ADNP: variants seen among roughly 807,000 people sequenced by gnomAD.
ADNP encodes the protein activity dependent neuroprotector homeobox, also known as activity-dependent neuroprotector homeobox protein.
Under a neutral mutation model 84.9 loss-of-function variants are expected in ADNP, and 4 were observed. That is an observed-to-expected ratio of 0.05 (90% CI 0.02 to 0.11). The LOEUF is 0.11. Among genes scored for constraint, ADNP ranks in the 10% least tolerant of loss-of-function variants. The pLI, the probability that ADNP is intolerant of heterozygous loss-of-function variation, is 1.00. For synonymous variants in ADNP, 554 were observed against 468.1 expected (o/e 1.18, Z -2.37); for missense variants, 1,132 against 1,326.0 (o/e 0.85, Z 2.27).
Position 50,891,387 on chromosome 20 carries a change from C to T in ADNP, c.*18G>A, listed in dbSNP as rs142825371. 14,508 of 1,571,412 alleles carry T rather than the reference C, an allele frequency of 9.2e-3. 115 individuals carry two copies. The highest frequency in any genetic ancestry group is 9.2e-3 in the Non-Finnish European group (10,693 of 1,162,910). ...GTTCCAGGCTGCAGCATGTCACCAA[C>T]GCCAGGGAACCTGGCACTTAGGCCT... On this transcript the variant is annotated 3_prime_UTR_variant, in exon 6 of 6. Coordinates refer to ENST00000621696, the MANE Select transcript of ADNP (RefSeq NM_001282531.3).
At position 50,891,196 on chromosome 20, in the gene ADNP, AGTTACC is replaced by A; in HGVS notation, c.*203_*208del. ...ACCAGCTTATTGGTTTTTCACATTT[AGTTACC>A]GTGTCTGTCAGAGAAGGTTCTGAAG... is the stretch of plus-strand genomic sequence containing the variant. On this transcript the variant is annotated 3_prime_UTR_variant, in exon 6 of 6. Transcript: ENST00000621696. 7.6e-7 allele frequency: 1 copy of A among 1,314,178 alleles called. No individual in the cohort carries two copies. The highest frequency in any genetic ancestry group is 9.6e-7 in the Non-Finnish European group (1 of 1,036,640). The allele number at this position is 1,314,178 out of a possible 1,614,324, so 81.4% of individuals were successfully genotyped here.
intron 2 of ADNP, among the ~76,000 whole-genome samples, chr20:50,907,468 T>C (rs1982598722): frequency 1.3e-5 from 2 of 151,768 alleles, no homozygotes; most frequent in African/African-American, 4.8e-5. Context: ...GGCTTCACCA[T>C]GTTGGCCAGG....
Position 50,890,933 on chromosome 20 carries a change from TAAA to T in ADNP, c.*469_*471del. Reference sequence around the variant, plus strand: ...ATCATGAGCATCACTTGAATAGGTCTAAAAGACTGTACAAATATACATTTCAAC... The same window carrying T: ...ATCATGAGCATCACTTGAATAGGTCTAGACTGTACAAATATACATTTCAAC... On this transcript the variant is annotated 3_prime_UTR_variant, in exon 6 of 6. Transcript: ENST00000621696. The T allele has an allele frequency of 1.0e-6, 1 of 987,306 alleles. No homozygotes were observed. Among genetic ancestry groups the T allele is most frequent in the Non-Finnish European group, 1.2e-6 (1 of 831,372 alleles). The allele number at this position is 987,306 out of a possible 1,614,324, so 61.2% of individuals were successfully genotyped here. A position where few individuals can be genotyped will look rare whatever the true frequency, so the allele number is the denominator to read the frequency against.
chr20:50,892,278 G>A lies in ADNP; in HGVS notation c.2436C>T (p.Val812=), dbSNP rs888502245. The A allele has an allele frequency of 6.2e-7, 1 of 1,614,096 alleles. No homozygotes were observed. Among genetic ancestry groups the A allele is most frequent in the Non-Finnish European group, 8.5e-7 (1 of 1,180,024 alleles). Residue 812 remains valine (V), a synonymous_variant, in exon 6 of 6, where the codon GTC becomes GTT. Coordinates refer to ENST00000621696, the MANE Select transcript of ADNP (RefSeq NM_001282531.3). Reference sequence around the variant, plus strand: ...CAGGCTTGTACTTTTCACAATCACGGACACACTTCTTCCTTTTGTTACTAA... The same window carrying A: ...CAGGCTTGTACTTTTCACAATCACGAACACACTTCTTCCTTTTGTTACTAA... The part of the protein sequence containing the change: ...SHFSNKRKKC[V]RDCEKYKPGV...
At chr20:50,904,881 A>C (rs1388347238) in intron 2 of ADNP, 32 bp from the exon 3 acceptor site, 2 of 152,090 alleles carry the variant, frequency 1.3e-5, no homozygotes, top group African/African-American at 4.8e-5. Context: ...AAAAACAAAA[A>C]CAAAAAAACC....
At position 50,891,792 on chromosome 20, in the gene ADNP, A is replaced by T. The variant is rs141643081; in HGVS notation, c.2922T>A (p.Ser974Arg). 5.6e-5 allele frequency: 90 copies of T among 1,614,022 alleles called. No individual in the cohort carries two copies. Among genetic ancestry groups the T allele is most frequent in the Admixed American group, 8.3e-5 (5 of 60,008 alleles). Residue 974 changes from serine to arginine, a missense_variant, in exon 6 of 6, where the codon AGT (serine) becomes AGA (arginine). Ser to Arg is a moderately radical substitution (Grantham distance 110). Around this residue, in one of 10 missense-constraint regions of ADNP, gnomAD observed 381 missense variants for 319.9 expected, o/e 1.19. Transcript: ENST00000621696. ...EWKDGASPSE[S>R]GPGSQQVSDF... ...CTGACACTTGTTGGGATCCAGGCCC[A>T]CTCTCAGATGGAGAAGCACCGTCTT...
chr20:50,902,246 T>C, intron 4 of ADNP, 137 bp from the exon 5 acceptor site: 1 of 614,140 alleles, frequency 1.6e-6, no homozygotes, highest in Non-Finnish European at 2.8e-6. Context: ...AAACTAGGAG[T>C]GATAAGGCTC....
chr20:50,919,291 GTATA>G (rs199569280), intron 2 of ADNP, among the ~76,000 whole-genome samples: 7 of 77,184 alleles, frequency 9.1e-5, no homozygotes, highest in Non-Finnish European at 1.4e-4. Flanking sequence ...ATATTTAAGT[GTATA>G]TATATATATA....
chr20:50,900,021 A>C (rs1352971241), intron 5 of ADNP, among the ~76,000 whole-genome samples: 1 of 152,126 alleles, frequency 6.6e-6, no homozygotes, highest in Non-Finnish European at 1.5e-5. Flanking sequence ...TAAGAATTTT[A>C]AAGTTTTACT....
Position 50,892,749 on chromosome 20 carries a change from T to G in ADNP, c.1965A>C (p.Pro655=). The G allele has an allele frequency of 6.2e-7, 1 of 1,614,254 alleles. No homozygotes were observed. Among genetic ancestry groups the G allele is most frequent in the Non-Finnish European group, 8.5e-7 (1 of 1,180,040 alleles). ...ATTTGTAGGTGAGCTTTTTCTCAACTGGATGAACCGTCTGAATAACTTGGT... is the reference window on the plus strand; with the variant it reads ...ATTTGTAGGTGAGCTTTTTCTCAACGGGATGAACCGTCTGAATAACTTGGT... ...ERHQVIQTVH[P]VEKKLTYKCI... Residue 655 remains proline, a synonymous_variant, in exon 6 of 6, where the codon CCA becomes CCC. Transcript: ENST00000621696.
At chr20:50,921,096 G>A (rs1158854405) in intron 2 of ADNP, among the ~76,000 whole-genome samples, 3 of 152,200 alleles carry the variant, frequency 2.0e-5, no homozygotes, top group African/African-American at 7.2e-5. Context: ...GATTAAATGA[G>A]ATGATGCAAG....
At chr20:50,913,544 C>A (rs1983256809) in intron 2 of ADNP, among the ~76,000 whole-genome samples, 1 of 152,056 alleles carries the variant, frequency 6.6e-6, no homozygotes, top group South Asian at 2.1e-4. Context: ...GTTATGCTGG[C>A]AATTTTCTAA....
At chr20:50,901,762 G>GGAT (rs1422331698) in intron 5 of ADNP, among the ~76,000 whole-genome samples, 3 of 152,152 alleles carry the variant, frequency 2.0e-5, no homozygotes, top group Non-Finnish European at 4.4e-5. Flanking sequence ...GGAAATGGTG[G>GGAT]GATACAGCAG....
intron 2 of ADNP, among the ~76,000 whole-genome samples, chr20:50,925,488 T>G (rs568270126): frequency 6.6e-6 from 1 of 151,978 alleles, no homozygotes; most frequent in African/African-American, 2.4e-5. Flanking sequence ...AACATAATCA[T>G]CCTCTCCTCA....
chr20:50,904,004 A>G lies in ADNP; in HGVS notation c.-5-3T>C, dbSNP rs1363935684. Reference sequence around the variant, plus strand: ...GACAGGAAGTTGGAACATAGTTTCTATTGGAAAAAAAAATTTAAGTCAAAG... The same window carrying G: ...GACAGGAAGTTGGAACATAGTTTCTGTTGGAAAAAAAAATTTAAGTCAAAG... On this transcript the variant is annotated splice_region_variant and splice_polypyrimidine_tract_variant and intron_variant, in intron 3 of 5. Coordinates refer to ENST00000621696, the MANE Select transcript of ADNP (RefSeq NM_001282531.3). 1 of 1,609,016 alleles carries G rather than the reference A, an allele frequency of 6.2e-7. No homozygotes were observed. Among genetic ancestry groups the G allele is most frequent in the Non-Finnish European group, 8.5e-7 (1 of 1,177,654 alleles).
At chr20:50,899,867 A>ATTTT (rs142777741) in intron 5 of ADNP, among the ~76,000 whole-genome samples, 17 of 131,274 alleles carry the variant, frequency 1.3e-4, no homozygotes, top group African/African-American at 3.9e-4. Context: ...CAGCTGTACA[A>ATTTT]TTTTTTTTTT....
intron 5 of ADNP, among the ~76,000 whole-genome samples, chr20:50,895,048 T>C (rs970739726): frequency 2.0e-5 from 3 of 152,202 alleles, no homozygotes; most frequent in African/African-American, 7.2e-5. Context: ...GGAAAAAAAG[T>C]CACATTTTAG....
intron 2 of ADNP, among the ~76,000 whole-genome samples, chr20:50,920,106 A>T (rs902699112): frequency 6.6e-6 from 1 of 150,842 alleles, no homozygotes; most frequent in African/African-American, 2.4e-5. Context: ...GTGAAACCCC[A>T]TCTCTACTAA....
rs1980958721 is a variant in ADNP at position 50,892,994 on chromosome 20, C to A, written c.1720G>T (p.Ala574Ser). The change falls in exon 6 of 6, where the codon GCC becomes TCC. Residue 574 changes from alanine (A) to serine (S), a missense_variant. Transcript: ENST00000621696. Reference protein sequence around the residue: ...LLVTTYNLRDAPAESVAYHAQ... With the variant: ...LLVTTYNLRDSPAESVAYHAQ... The stretch of plus-strand genomic sequence containing the variant: ...TGGTAAGCAACAGATTCAGCTGGGG[C>A]ATCCCTCAGATTGTATGTAGTTACC... 1 of 1,614,106 alleles carries A rather than the reference C, an allele frequency of 6.2e-7. No individual in the cohort carries two copies.
Sources: allele counts gnomAD v4.1 joint callset (sites outside exome capture counted in the v4.1 genomes callset), GRCh38; gene constraint gnomAD v4.1.1; regional missense constraint gnomAD v4.1.1; transcripts MANE v1.5; gene names NCBI Gene and HGNC (gene_info 2026-07-23, HGNC 2026-07-21).